Variants in GTF2B observed in about 807,000 individuals in gnomAD.
GTF2B encodes general transcription factor IIB.
In GTF2B, 20 loss-of-function variants were observed where a neutral mutation model predicts 34.6. The observed-to-expected ratio is 0.58, with a 90% CI of 0.41 to 0.84. The LOEUF (loss-of-function observed/expected upper bound fraction) is 0.84, where lower values mean the gene tolerates loss of function less well. GTF2B is among the 40% of genes least tolerant of loss of function. The pLI is 0.00. For synonymous variants in GTF2B, 142 were observed against 132.4 expected (o/e 1.07, Z -0.50); for missense variants, 237 against 393.3 (o/e 0.60, Z 3.36).
Position 88,890,593 on chromosome 1 carries a change from T to G in GTF2B, c.17+890A>C, listed in dbSNP as rs1557663922. Among the ~76,000 whole-genome samples, 8 of 152,162 alleles carry G rather than the reference T, an allele frequency of 5.3e-5. No individual in the cohort carries two copies. The South Asian group carries it at 1.7e-3, about 31-fold the overall frequency. ...TGTGGATAACAGGAAACAGGTTGTC[T>G]TAGACTCTACACTCTAACACGACTC... On this transcript the variant is annotated intron_variant, in intron 1 of 6. Coordinates refer to ENST00000370500, the MANE Select transcript of GTF2B (RefSeq NM_001514.6).
intron 2 of GTF2B, among the ~76,000 whole-genome samples, chr1:88,874,545 A>G (rs1207470047): frequency 7.9e-6 from 1 of 127,082 alleles, no homozygotes; most frequent in Non-Finnish European, 1.6e-5. Context: ...GTCTCACTAC[A>G]TTGCCTAGGC....
intron 2 of GTF2B, among the ~76,000 whole-genome samples, chr1:88,881,172 A>T (rs1219033249): frequency 8.7e-6 from 1 of 115,378 alleles, no homozygotes; most frequent in African/African-American, 6.9e-5. Flanking sequence ...ATGTATTTAA[A>T]AAAAAAAAAA....
chr1:88,861,574 G>C (rs150086290), intron 3 of GTF2B, among the ~76,000 whole-genome samples: 1,647 of 152,342 alleles, frequency 0.011, 26 homozygotes, highest in African/African-American at 0.038. Flanking sequence ...TGAGGCGGGA[G>C]AATCGCTTGA....
intron 2 of GTF2B, among the ~76,000 whole-genome samples, chr1:88,886,920 A>ATTTT (rs1222260642): frequency 6.7e-6 from 1 of 149,536 alleles, no homozygotes. Context: ...CATTATTATT[A>ATTTT]TTATTATTTT....
rs1272032326 is a variant in GTF2B at position 88,891,544 on chromosome 1, C to A, written c.-45G>T. The A allele has an allele frequency of 1.3e-6, 2 of 1,574,006 alleles. No individual in the cohort carries two copies. The highest frequency in any genetic ancestry group is 1.4e-5 in the African/African-American group (1 of 74,026). On this transcript the variant is annotated 5_prime_UTR_variant, in exon 1 of 7. Coordinates refer to ENST00000370500, the MANE Select transcript of GTF2B (RefSeq NM_001514.6). The stretch of plus-strand genomic sequence containing the variant: ...CCCGCAACAAGACACAACAGACACA[C>A]CGAAAGCAGGAAGCGAATGTGGCGA...
At chr1:88,877,994 T>A (rs1673851913) in intron 2 of GTF2B, among the ~76,000 whole-genome samples, 2 of 152,106 alleles carry the variant, frequency 1.3e-5, no homozygotes, top group African/African-American at 4.8e-5. Flanking sequence ...AACAAAACTT[T>A]AAGAATTGGC....
intron 6 of GTF2B, among the ~76,000 whole-genome samples, chr1:88,855,652 C>T (rs1439815112): frequency 6.6e-6 from 1 of 151,962 alleles, no homozygotes; most frequent in East Asian, 1.9e-4. Flanking sequence ...CGCGACCTGC[C>T]ACCAACTTTT....
chr1:88,877,087 C>T (rs149390031), intron 2 of GTF2B, among the ~76,000 whole-genome samples: 1 of 152,184 alleles, frequency 6.6e-6, no homozygotes, highest in Non-Finnish European at 1.5e-5. Flanking sequence ...CAATATGTTA[C>T]CAATGTATGA....
At chr1:88,885,523 G>A (rs1053450582) in intron 2 of GTF2B, among the ~76,000 whole-genome samples, 7 of 151,980 alleles carry the variant, frequency 4.6e-5, no homozygotes, top group African/African-American at 1.7e-4. Flanking sequence ...CAAGGCGATC[G>A]TATCACCTGA....
Position 88,860,208 on chromosome 1 carries a change from C to T in GTF2B, c.337G>A (p.Ala113Thr). 1 of 1,613,676 alleles carries T rather than the reference C, an allele frequency of 6.2e-7. No individual in the cohort carries two copies. The change falls in exon 4 of 7, where the codon GCA becomes ACA. Residue 113 changes from alanine (A) to threonine (T), a missense_variant. By Grantham distance (58) the Ala-to-Thr change is moderately conservative. Coordinates refer to ENST00000370500, the MANE Select transcript of GTF2B (RefSeq NM_001514.6). ...NRRTMSSSDR[A>T]MMNAFKEITT... ...ATTTCTTTGAATGCATTCATCATTGCCCGATCAGAACTGCTCATTGTTCTC... is the reference window on the plus strand; with the variant it reads ...ATTTCTTTGAATGCATTCATCATTGTCCGATCAGAACTGCTCATTGTTCTC...
intron 2 of GTF2B, among the ~76,000 whole-genome samples, chr1:88,880,498 C>T (rs1211126632): frequency 6.6e-6 from 1 of 152,026 alleles, no homozygotes; most frequent in Non-Finnish European, 1.5e-5. Flanking sequence ...AATGGTGGTC[C>T]CTTAAGATTA....
At chr1:88,886,767 C>G (rs541543343) in intron 2 of GTF2B, among the ~76,000 whole-genome samples, 49 of 152,034 alleles carry the variant, frequency 3.2e-4, no homozygotes, top group African/African-American at 1.1e-3. Flanking sequence ...TTTGGATATA[C>G]AATAAAATAT....
Position 88,864,065 on chromosome 1 carries a change from G to T in GTF2B, c.174C>A (p.Asp58Glu), listed in dbSNP as rs1360336600. ...VGSEWRTFSN[D>E]KATKDPSRVG... is the part of the protein sequence containing the mutation. ...CTCGAGATGGATCTTTTGTTGCTTT[G>T]TCATTGCTGAAAGTTCGCCATTCAG... is the stretch of plus-strand genomic sequence containing the variant. The change falls in exon 3 of 7, where the codon GAC (aspartate) becomes GAA (glutamate). Residue 58 changes from aspartate (D) to glutamate (E), a missense_variant. By Grantham distance (45) the Asp-to-Glu change is conservative. Transcript: ENST00000370500. The T allele has an allele frequency of 3.1e-6, 5 of 1,613,274 alleles. No homozygotes were observed. The Admixed American group carries it at 6.7e-5, about 22-fold the overall frequency.
At chr1:88,863,852 A>T in intron 3 of GTF2B, 129 bp downstream of exon 3, 1 of 739,130 alleles carries the variant, frequency 1.4e-6, no homozygotes, top group South Asian at 1.8e-5. Flanking sequence ...CAATGATATT[A>T]CTGGCAAATC....
Position 88,863,977 on chromosome 1 carries a change from T to A in GTF2B, c.258+4A>T. 1 of 1,613,702 alleles carries A rather than the reference T, an allele frequency of 6.2e-7. No individual in the cohort carries two copies. The highest frequency in any genetic ancestry group is 8.5e-7 in the Non-Finnish European group (1 of 1,179,630). On this transcript the variant is annotated splice_donor_region_variant and intron_variant, in intron 3 of 6. Transcript: ENST00000370500. ...TGGTATTTCCTGCCAAATGGACTTATTACCTTGCCAATCATGGTAGACAAA... is the reference window on the plus strand; with the variant it reads ...TGGTATTTCCTGCCAAATGGACTTAATACCTTGCCAATCATGGTAGACAAA...
In GTF2B at chr1:88,891,537, A is replaced by C; in HGVS notation, c.-38T>G. On this transcript the variant is annotated 5_prime_UTR_variant, in exon 1 of 7. Transcript: ENST00000370500. ...TGCGGTGCCCGCAACAAGACACAACAGACACACCGAAAGCAGGAAGCGAAT... is the reference window on the plus strand; with the variant it reads ...TGCGGTGCCCGCAACAAGACACAACCGACACACCGAAAGCAGGAAGCGAAT... 6.3e-7 allele frequency: 1 copy of C among 1,587,074 alleles called. No homozygotes were observed. Among genetic ancestry groups the C allele is most frequent in the Non-Finnish European group, 8.6e-7 (1 of 1,162,402 alleles).
In GTF2B at chr1:88,864,187, A is replaced by G. The variant is rs1673500131; in HGVS notation, c.125-73T>C. ...ACTTAACTACACTGTCCAATGCCCA[A>G]CTAAGCCATTTTATTCCCAGGAAAT... On this transcript the variant is annotated intron_variant, in intron 2 of 6. Coordinates refer to ENST00000370500, the MANE Select transcript of GTF2B (RefSeq NM_001514.6). 2.9e-6 allele frequency: 4 copies of G among 1,374,256 alleles called. No homozygotes were observed. In the South Asian group the frequency reaches 3.5e-5, roughly 12 times the overall value. The allele number at this position is 1,374,256 out of a possible 1,614,324, so 85.1% of individuals were successfully genotyped here.
chr1:88,872,933 C>T (rs1570728664), intron 2 of GTF2B, among the ~76,000 whole-genome samples: 1 of 152,270 alleles, frequency 6.6e-6, no homozygotes, highest in East Asian at 1.9e-4. Context: ...AGTAATTAAA[C>T]TATATTAGGG....
chr1:88,868,998 C>A (rs935422038), intron 2 of GTF2B, among the ~76,000 whole-genome samples: 2 of 152,156 alleles, frequency 1.3e-5, no homozygotes, highest in Non-Finnish European at 2.9e-5. Flanking sequence ...CTCTGCCTCC[C>A]AAAGTGCTGG....
Sources: gnomAD v4.1 joint callset for allele counts (sites outside exome capture counted in the v4.1 genomes callset) on GRCh38, gnomAD v4.1.1 for gene constraint, MANE v1.5 for transcripts, NCBI Gene and HGNC (gene_info 2026-07-23, HGNC 2026-07-21) for gene names.